Variants in GALNTL6 observed in about 807,000 individuals in gnomAD.
GALNTL6 encodes the protein polypeptide N-acetylgalactosaminyltransferase-like 6.
Under a neutral mutation model 73.7 loss-of-function variants are expected in GALNTL6, and 46 were observed. The ratio of observed to expected loss-of-function variants is 0.62; its 90% confidence interval spans 0.49 to 0.80. The LOEUF (loss-of-function observed/expected upper bound fraction) is 0.80, where lower values mean the gene tolerates loss of function less well. GALNTL6 is among the 30% of genes least tolerant of loss of function. The probability of loss-of-function intolerance (pLI) is 0.00; values close to 1 mark genes in which losing one functional copy is unlikely to be tolerated. For synonymous variants in GALNTL6, 259 were observed against 263.7 expected (o/e 0.98, Z 0.17); for missense variants, 604 against 755.0 (o/e 0.80, Z 2.34).
chr4:172,605,311 A>G (rs1414780632), intron 5 of GALNTL6, among the ~76,000 whole-genome samples: 1 of 152,130 alleles, frequency 6.6e-6, no homozygotes, highest in Admixed American at 6.6e-5. Flanking sequence ...CCACATCAAT[A>G]CCCAAAAATC....
At chr4:172,885,129 T>A (rs989602328) in intron 8 of GALNTL6, among the ~76,000 whole-genome samples, 2 of 152,172 alleles carry the variant, frequency 1.3e-5, no homozygotes, top group African/African-American at 2.4e-5. Context: ...TCCCTACAAA[T>A]TTTTGGATAT....
chr4:172,015,855 A>T (rs1251391731), intron 2 of GALNTL6, among the ~76,000 whole-genome samples: 1 of 151,624 alleles, frequency 6.6e-6, no homozygotes, highest in Non-Finnish European at 1.5e-5. Flanking sequence ...CAGGAGGCTA[A>T]AGATAGGACC....
intron 8 of GALNTL6, among the ~76,000 whole-genome samples, chr4:172,903,570 A>G (rs1746734073): frequency 6.6e-6 from 1 of 152,202 alleles, no homozygotes; most frequent in African/African-American, 2.4e-5. Context: ...CATTAAACCT[A>G]TAAATGTACA....
At chr4:172,732,339 T>C (rs1377130621) in intron 5 of GALNTL6, among the ~76,000 whole-genome samples, 1 of 152,184 alleles carries the variant, frequency 6.6e-6, no homozygotes, top group Non-Finnish European at 1.5e-5. Flanking sequence ...TTTCATATAA[T>C]GTCAATATAG....
chr4:172,705,213 A>ATTTT lies in GALNTL6; in HGVS notation c.554-104141_554-104138dup, dbSNP rs58644433. Among the ~76,000 whole-genome samples the ATTTT allele has an allele frequency of 7.8e-3, 1,136 of 146,378 alleles. 14 individuals are homozygous for ATTTT. The highest frequency in any genetic ancestry group is 0.024 in the African/African-American group (978 of 40,134). Reference sequence around the variant, plus strand: ...TAATAGGTAAGGACTTACTACTGCTATTTTTTTTTTGTTTTATGGTTGTTT... The same window carrying ATTTT: ...TAATAGGTAAGGACTTACTACTGCTATTTTTTTTTTTTTTGTTTTATGGTTGTTT... On this transcript the variant is annotated intron_variant, in intron 5 of 12. Transcript: ENST00000506823.
chr4:172,674,583 A>G (rs1162914591), intron 5 of GALNTL6, among the ~76,000 whole-genome samples: 1 of 152,076 alleles, frequency 6.6e-6, no homozygotes, highest in African/African-American at 2.4e-5. Flanking sequence ...CATTCTCCCC[A>G]TCCTTTTCAG....
At chr4:171,940,595 G>T (rs896291689) in intron 2 of GALNTL6, among the ~76,000 whole-genome samples, 5 of 152,054 alleles carry the variant, frequency 3.3e-5, no homozygotes, top group African/African-American at 1.2e-4. Context: ...GCCAAGGCAG[G>T]CAGATCACTT....
chr4:172,743,104 T>A (rs149103919), intron 5 of GALNTL6, among the ~76,000 whole-genome samples: 1 of 152,078 alleles, frequency 6.6e-6, no homozygotes, highest in Non-Finnish European at 1.5e-5. Context: ...AAAATAGTTA[T>A]ATGAAAAGAG....
chr4:172,185,034 G>A (rs1449582920), intron 2 of GALNTL6, among the ~76,000 whole-genome samples: 1 of 152,158 alleles, frequency 6.6e-6, no homozygotes, highest in Non-Finnish European at 1.5e-5. Context: ...CATAGCAGGT[G>A]AGTTCCATGT....
intron 4 of GALNTL6, among the ~76,000 whole-genome samples, chr4:172,318,076 T>A (rs1329842358): frequency 6.6e-6 from 1 of 152,130 alleles, no homozygotes; most frequent in African/African-American, 2.4e-5. Flanking sequence ...AAGGAATAGC[T>A]AGAATCAGGT....
intron 5 of GALNTL6, among the ~76,000 whole-genome samples, chr4:172,534,377 T>C (rs1163315951): frequency 6.6e-6 from 1 of 152,200 alleles, no homozygotes; most frequent in Admixed American, 6.5e-5. Context: ...CAGGAATATG[T>C]GTGGGCACTG....
intron 10 of GALNTL6, among the ~76,000 whole-genome samples, chr4:173,002,485 ATG>A (rs1200349455): frequency 6.6e-6 from 1 of 151,696 alleles, no homozygotes; most frequent in East Asian, 1.9e-4. Context: ...ATATTTATAT[ATG>A]TGTTTATTCA....
At chr4:171,850,838 GA>G (rs1735505137) in intron 2 of GALNTL6, among the ~76,000 whole-genome samples, 1 of 152,090 alleles carries the variant, frequency 6.6e-6, no homozygotes, top group African/African-American at 2.4e-5. Context: ...GTCTGCTGGG[GA>G]ACCTAGGATT....
chr4:172,998,574 A>G (rs928909739), intron 10 of GALNTL6, among the ~76,000 whole-genome samples: 1 of 151,992 alleles, frequency 6.6e-6, no homozygotes, highest in Admixed American at 6.6e-5. Flanking sequence ...CCTCTTGGCA[A>G]TCTGTCTTCT....
intron 5 of GALNTL6, among the ~76,000 whole-genome samples, chr4:172,459,613 AT>A (rs1732535698): frequency 6.6e-6 from 1 of 152,212 alleles, no homozygotes; most frequent in African/African-American, 2.4e-5. Context: ...CCCATTCACA[AT>A]TGCTACAAAG....
At chr4:172,330,512 A>G (rs183543082) in intron 4 of GALNTL6, among the ~76,000 whole-genome samples, 1 of 152,178 alleles carries the variant, frequency 6.6e-6, no homozygotes, top group East Asian at 1.9e-4. Flanking sequence ...GTACCTGGCT[A>G]TTTCAGCTGA....
At chr4:172,301,908 A>T (rs1356037197) in intron 3 of GALNTL6, among the ~76,000 whole-genome samples, 5 of 152,132 alleles carry the variant, frequency 3.3e-5, no homozygotes, top group Admixed American at 2.6e-4. Context: ...TCAGACAGGG[A>T]CATTTAAGTC....
chr4:172,476,839 G>A (rs1401847716), intron 5 of GALNTL6, among the ~76,000 whole-genome samples: 1 of 151,322 alleles, frequency 6.6e-6, no homozygotes, highest in Admixed American at 6.6e-5. Context: ...AATTTGTGTA[G>A]TATTTAGAGA....
chr4:172,358,905 A>G (rs1406537600), intron 5 of GALNTL6, among the ~76,000 whole-genome samples: 24 of 151,374 alleles, frequency 1.6e-4, no homozygotes, highest in East Asian at 3.9e-4. Flanking sequence ...AGGTTCAGAG[A>G]AAAGAGAGCA....
Sources: gnomAD v4.1 joint callset for allele counts (sites outside exome capture counted in the v4.1 genomes callset) on GRCh38, gnomAD v4.1.1 for gene constraint, MANE v1.5 for transcripts, NCBI Gene and HGNC (gene_info 2026-07-23, HGNC 2026-07-21) for gene names.